Variants in FNDC8 observed in about 807,000 individuals in gnomAD.
FNDC8 encodes fibronectin type III domain containing 8.
A neutral mutation model predicts 24.8 loss-of-function variants in FNDC8; 23 were observed. The observed-to-expected ratio is 0.93, with a 90% CI of 0.67 to 1.31. The LOEUF (loss-of-function observed/expected upper bound fraction) is 1.31, where lower values mean the gene tolerates loss of function less well. FNDC8 is among the 40% of genes most tolerant of loss of function. The pLI, the probability that FNDC8 is intolerant of heterozygous loss-of-function variation, is 0.00. For synonymous variants in FNDC8, 158 were observed against 165.3 expected, an observed-to-expected ratio of 0.96 and a Z score of 0.34; for missense variants, 371 against 398.2, an observed-to-expected ratio of 0.93 and a Z score of 0.58.
In FNDC8 at chr17:35,127,360, G is replaced by A. The variant is rs140890751; in HGVS notation, c.528G>A (p.Val176=). 2.1e-5 allele frequency: 34 copies of A among 1,593,520 alleles called. No homozygotes were observed. The highest frequency in any genetic ancestry group is 9.4e-5 in the African/African-American group (7 of 74,154). ...CGCACTCAGAATCTTCTGTGGTTGT[G>A]GACCTGCCGGACACCCCCTTCATCT... ...SSTHSESSVV[V]DLPDTPFIFE... Residue 176 remains valine, a synonymous_variant, in exon 2 of 4, where the codon GTG becomes GTA. Coordinates refer to ENST00000158009, the MANE Select transcript of FNDC8 (RefSeq NM_017559.4).
In FNDC8 at chr17:35,130,353, G is replaced by C. The variant is rs915792745; in HGVS notation, c.894G>C (p.Lys298Asn). Residue 298 changes from lysine to asparagine, a missense_variant, in exon 4 of 4, where the codon AAG becomes AAC. Transcript: ENST00000158009. ...CCATCCAGATCACCGTGCGGCGCAA[G>C]GAACCCCGGCAAAAGATCGTGTCCA... is the stretch of plus-strand genomic sequence containing the variant. ...NYPIQITVRRKEPRQKIVSIG... is the reference protein window; with the variant it reads ...NYPIQITVRRNEPRQKIVSIG... 1 of 1,614,146 alleles carries C rather than the reference G, an allele frequency of 6.2e-7. No individual in the cohort carries two copies. The highest frequency in any genetic ancestry group is 1.3e-5 in the African/African-American group (1 of 75,032).
rs987181326 is a variant in FNDC8, at chr17:35,126,925, C to T, written c.210-117C>T. The T allele has an allele frequency of 1.1e-5, 14 of 1,323,084 alleles. No homozygotes were observed. In the East Asian group the frequency reaches 3.3e-4, roughly 31 times the overall value. The allele number at this position is 1,323,084 out of a possible 1,614,324, so 82.0% of individuals were successfully genotyped here. On this transcript the variant is annotated intron_variant, in intron 1 of 3. Coordinates refer to ENST00000158009, the MANE Select transcript of FNDC8 (RefSeq NM_017559.4). Reference sequence around the variant, plus strand: ...ATGCTATAGAGCAATGAGGCTGTTCCAAGCTGTTTGCAAATGGCTGGGGAT... The same window carrying T: ...ATGCTATAGAGCAATGAGGCTGTTCTAAGCTGTTTGCAAATGGCTGGGGAT...
intron 3 of FNDC8, 188 bp downstream of exon 3, chr17:35,129,846 G>A: frequency 1.1e-5 from 16 of 1,426,400 alleles, no homozygotes; most frequent in Non-Finnish European, 1.4e-5. Flanking sequence ...AGCCACTCTG[G>A]GGCCCACTAG....
In FNDC8 at chr17:35,130,540, G is replaced by C; in HGVS notation, c.*106G>C. The C allele has an allele frequency of 1.6e-6, 2 of 1,259,478 alleles. No homozygotes were observed. Among genetic ancestry groups the C allele is most frequent in the Non-Finnish European group, 2.2e-6 (2 of 918,326 alleles). The allele number at this position is 1,259,478 out of a possible 1,614,324, so 78.0% of individuals were successfully genotyped here. A position where few individuals can be genotyped will look rare whatever the true frequency, so the allele number is the denominator to read the frequency against. ...ATACCACCAGCACCCTGCGGGCCCGGGGTCTGGCAGAGTGGTATGGGCACC... is the reference window on the plus strand; with the variant it reads ...ATACCACCAGCACCCTGCGGGCCCGCGGTCTGGCAGAGTGGTATGGGCACC... On this transcript the variant is annotated 3_prime_UTR_variant, in exon 4 of 4. Coordinates refer to ENST00000158009, the MANE Select transcript of FNDC8 (RefSeq NM_017559.4).
At position 35,125,894 on chromosome 17, in the gene FNDC8, T is replaced by G. The variant is rs1477661887; in HGVS notation, c.210-1148T>G. 2.6e-5 allele frequency among the ~76,000 whole-genome samples: 4 copies of G among 152,318 alleles called. 1 individual carries two copies. In the South Asian group the frequency reaches 8.3e-4, roughly 32 times the overall value. On this transcript the variant is annotated intron_variant, in intron 1 of 3. Transcript: ENST00000158009. ...ATTCAGAGTGGAAGAAATAAGTTTT[T>G]GAGCATCCACACCAACATATGTATA...
At chr17:35,124,758 T>G (rs1345977306) in intron 1 of FNDC8, among the ~76,000 whole-genome samples, 1 of 151,376 alleles carries the variant, frequency 6.6e-6, no homozygotes, top group African/African-American at 2.4e-5. Flanking sequence ...AAATATTGTT[T>G]TTTGTTTGGC....
At position 35,127,042 on chromosome 17, in the gene FNDC8, G is replaced by C. The variant is rs774996233; in HGVS notation, c.210G>C (p.Leu70=). ...TCACCTGTCTCCCCTTTTGCTCCAG[G>C]AAGCCGCTGCCAGTAGAGGATTCAG... ...NFLEDDTINL[L]KPLPVEDSDC... is the part of the protein sequence containing the mutation. Residue 70 remains leucine (L), a splice_region_variant and synonymous_variant, in exon 2 of 4, where the codon CTG becomes CTC. Transcript: ENST00000158009. 3.2e-6 allele frequency: 5 copies of C among 1,573,670 alleles called. 1 individual carries two copies. The South Asian group carries it at 5.8e-5, about 18-fold the overall frequency.
At position 35,130,659 on chromosome 17, in the gene FNDC8, C is replaced by T; in HGVS notation, c.*225C>T. 1.8e-6 allele frequency: 1 copy of T among 540,932 alleles called. No individual in the cohort carries two copies. The highest frequency in any genetic ancestry group is 3.3e-6 in the Non-Finnish European group (1 of 304,780). The allele number at this position is 540,932 out of a possible 1,614,324, so 33.5% of individuals were successfully genotyped here. ...TGCCAGGCTCAGCCACTGCCCACAG[C>T]TGCTAGACTCCCTCCTCCTCCAAAT... On this transcript the variant is annotated 3_prime_UTR_variant, in exon 4 of 4. Coordinates refer to ENST00000158009, the MANE Select transcript of FNDC8 (RefSeq NM_017559.4).
In FNDC8 at chr17:35,130,242, C is replaced by A. The variant is rs776798336; in HGVS notation, c.823-40C>A. 10 of 1,603,262 alleles carry A rather than the reference C, an allele frequency of 6.2e-6. No individual in the cohort carries two copies. The East Asian group carries it at 2.2e-4, about 36-fold the overall frequency. On this transcript the variant is annotated intron_variant, in intron 3 of 3. Transcript: ENST00000158009. ...GACAGAGAGAGAGCCAGGTTCAGAT[C>A]TGGGAAGGAACTCTGAAGGGTTTTC...
chr17:35,127,420 G>A lies in FNDC8; in HGVS notation c.585+3G>A. 6.5e-7 allele frequency: 1 copy of A among 1,537,822 alleles called. No homozygotes were observed. Among genetic ancestry groups the A allele is most frequent in the Non-Finnish European group, 8.8e-7 (1 of 1,142,020 alleles). ...CCGTCAACAATTCCACAGCTGTGGTGCGTTTCCCTTGCTCATGCGTTCAGC... is the reference window on the plus strand; with the variant it reads ...CCGTCAACAATTCCACAGCTGTGGTACGTTTCCCTTGCTCATGCGTTCAGC... On this transcript the variant is annotated splice_donor_region_variant and intron_variant, in intron 2 of 3. Coordinates refer to ENST00000158009, the MANE Select transcript of FNDC8 (RefSeq NM_017559.4).
At chr17:35,122,533 T>G (rs1336977075) in intron 1 of FNDC8, among the ~76,000 whole-genome samples, 2 of 151,942 alleles carry the variant, frequency 1.3e-5, no homozygotes, top group East Asian at 3.9e-4. Context: ...CCTTCTTGGA[T>G]TAGTCAGTTT....
chr17:35,126,170 C>T (rs1597883194), intron 1 of FNDC8, among the ~76,000 whole-genome samples: 1 of 152,262 alleles, frequency 6.6e-6, no homozygotes, highest in East Asian at 1.9e-4. Flanking sequence ...AATACACCCA[C>T]CTTGGCCTCC....
At chr17:35,122,192 ATATATATATATATAT>A (rs1297311494) in intron 1 of FNDC8, among the ~76,000 whole-genome samples, 2,053 of 24,584 alleles carry the variant, frequency 0.084, 297 homozygotes, top group Admixed American at 0.3. Flanking sequence ...ATATATATAT[ATATATATATATATAT>A]AAATTTTTTT....
At chr17:35,129,700 T>C in intron 3 of FNDC8, 42 bp downstream of exon 3, 3 of 1,596,928 alleles carry the variant, frequency 1.9e-6, no homozygotes, top group Non-Finnish European at 2.6e-6. Flanking sequence ...TGGAGAGAAG[T>C]CCAAAGCCAG....
chr17:35,127,130 T>C lies in FNDC8; in HGVS notation c.298T>C (p.Leu100=). 2 of 1,614,180 alleles carry C rather than the reference T, an allele frequency of 1.2e-6. No homozygotes were observed. Among genetic ancestry groups the C allele is most frequent in the Non-Finnish European group, 1.7e-6 (2 of 1,180,020 alleles). ...FSSTLLNPIK[L]AVTQPNSSFF... ...ATCCACCTTGCTGAACCCCATCAAA[T>C]TAGCTGTGACCCAGCCCAACAGCAG... The change falls in exon 2 of 4, where the codon TTA becomes CTA. Residue 100 remains leucine (L), a synonymous_variant. Transcript: ENST00000158009.
At chr17:35,129,831 G>A in intron 3 of FNDC8, 173 bp downstream of exon 3, 1 of 1,426,346 alleles carries the variant, frequency 7.0e-7, no homozygotes, top group Admixed American at 2.9e-5. Flanking sequence ...GAGGTTTAAG[G>A]ATTAAGCCAC....
Position 35,128,573 on chromosome 17 carries a change from G to A in FNDC8, c.586-849G>A, listed in dbSNP as rs376571437. On this transcript the variant is annotated intron_variant, in intron 2 of 3. Coordinates refer to ENST00000158009, the MANE Select transcript of FNDC8 (RefSeq NM_017559.4). ...GTCACTTAATTGCCGTATGATGATG[G>A]ACCAGTCACTTGCCCTCTCTGGACC... Among the ~76,000 whole-genome samples, 3 of 152,286 alleles carry A rather than the reference G, an allele frequency of 2.0e-5. No individual in the cohort carries two copies. In the South Asian group the frequency reaches 6.2e-4, roughly 32 times the overall value.
intron 1 of FNDC8, among the ~76,000 whole-genome samples, chr17:35,124,129 A>G (rs1426737443): frequency 6.6e-6 from 1 of 152,324 alleles, no homozygotes. Flanking sequence ...TGGCCCGTTC[A>G]TCAACCAAGA....
intron 1 of FNDC8, among the ~76,000 whole-genome samples, chr17:35,125,943 C>T (rs1437305002): frequency 6.6e-6 from 1 of 152,112 alleles, no homozygotes; most frequent in African/African-American, 2.4e-5. Flanking sequence ...ATTTTTGAGA[C>T]AGGGTCTCAC....
Sources: gnomAD v4.1 joint callset for allele counts (sites outside exome capture counted in the v4.1 genomes callset) on GRCh38, gnomAD v4.1.1 for gene constraint, MANE v1.5 for transcripts, NCBI Gene and HGNC (gene_info 2026-07-23, HGNC 2026-07-21) for gene names.